PPARGC1A: variants seen among roughly 807,000 people sequenced by gnomAD.
PPARGC1A encodes the protein peroxisome proliferator-activated receptor gamma coactivator 1-alpha.
A neutral mutation model predicts 88.7 loss-of-function variants in PPARGC1A; 25 were observed. That is an observed-to-expected ratio of 0.28 (90% CI 0.21 to 0.39). The LOEUF (loss-of-function observed/expected upper bound fraction) is 0.39, where lower values mean the gene tolerates loss of function less well. Among genes scored for constraint, PPARGC1A ranks in the 10% least tolerant of loss-of-function variants. The pLI, the probability that PPARGC1A is intolerant of heterozygous loss-of-function variation, is 1.00. For synonymous variants in PPARGC1A, 363 were observed against 355.6 expected (o/e 1.02, Z -0.24); for missense variants, 880 against 968.7 (o/e 0.91, Z 1.22).
intron 2 of PPARGC1A, among the ~76,000 whole-genome samples, chr4:23,863,536 C>A (rs80294476): frequency 0.032 from 4,897 of 152,222 alleles, 262 homozygotes; most frequent in African/African-American, 0.11. Context: ...AGTCCCCAGT[C>A]ATCACTTGGT....
the PPARGC1A span, among the ~76,000 whole-genome samples, chr4:24,401,163 C>T: frequency 7.8e-4 from 119 of 151,692 alleles, no homozygotes; most frequent in Admixed American, 1.4e-3. Context: ...GGGCTACAGG[C>T]GCCCACCACT....
chr4:24,300,725 C>T, the PPARGC1A span, among the ~76,000 whole-genome samples: 2 of 152,066 alleles, frequency 1.3e-5, no homozygotes, highest in Admixed American at 1.3e-4. Context: ...GTTGATTTGA[C>T]ATTTTGTAGC....
At chr4:24,314,170 A>C in the PPARGC1A span, among the ~76,000 whole-genome samples, 13 of 152,214 alleles carry the variant, frequency 8.5e-5, no homozygotes, top group Non-Finnish European at 1.8e-4. Flanking sequence ...ATGGCTCTAG[A>C]GAGATTCAGC....
intron 2 of PPARGC1A, among the ~76,000 whole-genome samples, chr4:23,867,674 G>C (rs775248121): frequency 1.1e-4 from 16 of 152,148 alleles, no homozygotes; most frequent in Non-Finnish European, 2.2e-4. Context: ...TGAAAGTAAG[G>C]TCAGAATCAT....
the PPARGC1A span, among the ~76,000 whole-genome samples, chr4:23,973,011 G>T: frequency 2.0e-5 from 3 of 152,264 alleles, no homozygotes; most frequent in African/African-American, 7.2e-5. Flanking sequence ...TTATTCAATT[G>T]CAGGGATTCT....
chr4:24,117,809 ATGATACTCATGTCCACAGC>A, the PPARGC1A span, among the ~76,000 whole-genome samples: 1 of 152,076 alleles, frequency 6.6e-6, no homozygotes. Flanking sequence ...CGTTGGTTGG[ATGATACTCATGTCCACAGC>A]AGTTTCGGAA....
At chr4:24,418,890 T>C in the PPARGC1A span, among the ~76,000 whole-genome samples, 1 of 152,206 alleles carries the variant, frequency 6.6e-6, no homozygotes, top group Admixed American at 6.5e-5. Flanking sequence ...AGGAAATATT[T>C]TTGCTAATCA....
At chr4:24,345,519 A>AGTTTT in the PPARGC1A span, among the ~76,000 whole-genome samples, 38 of 151,686 alleles carry the variant, frequency 2.5e-4, no homozygotes, top group African/African-American at 8.5e-4. Context: ...AGTTTAGTTT[A>AGTTTT]GTTTTGTTTT....
the PPARGC1A span, among the ~76,000 whole-genome samples, chr4:24,431,623 G>C: frequency 8.3e-3 from 1,266 of 152,264 alleles, 12 homozygotes; most frequent in African/African-American, 0.029. Context: ...GAATGTGCTG[G>C]AAGAAAGTGT....
Position 23,814,343 on chromosome 4 carries a change from C to T in PPARGC1A, c.1140G>A (p.Leu380=). Residue 380 remains leucine (L), a synonymous_variant, in exon 8 of 13, where the codon CTG becomes CTA. Transcript: ENST00000264867. ...ERKTKRPSLR[L]FGDHDYCQSI... ...ACTGGCAATAGTCATGGTCACCAAA[C>T]AGCCGCAGACTGGGCCGCTTGGTCT... is the stretch of plus-strand genomic sequence containing the variant. 1 of 1,614,010 alleles carries T rather than the reference C, an allele frequency of 6.2e-7. No individual in the cohort carries two copies.
chr4:24,050,919 G>T, the PPARGC1A span, among the ~76,000 whole-genome samples: 14 of 152,170 alleles, frequency 9.2e-5, no homozygotes, highest in South Asian at 2.1e-4. Context: ...CGGGCGCAGT[G>T]GCTCACGCCT....
chr4:24,043,916 G>C, the PPARGC1A span, among the ~76,000 whole-genome samples: 3 of 152,234 alleles, frequency 2.0e-5, no homozygotes, highest in East Asian at 5.8e-4. Context: ...GAAAGACATG[G>C]AGGAAGGACA....
chr4:24,265,549 T>A, the PPARGC1A span, among the ~76,000 whole-genome samples: 2 of 152,116 alleles, frequency 1.3e-5, no homozygotes, highest in Non-Finnish European at 2.9e-5. Context: ...CAGTGAGCAA[T>A]GCATTACTTT....
the PPARGC1A span, among the ~76,000 whole-genome samples, chr4:24,129,720 A>G: frequency 6.6e-6 from 1 of 152,296 alleles, no homozygotes; most frequent in East Asian, 1.9e-4. Context: ...GGCACTATTC[A>G]CAATAGCAAA....
the PPARGC1A span, among the ~76,000 whole-genome samples, chr4:23,989,639 C>T: frequency 6.6e-6 from 1 of 152,128 alleles, no homozygotes; most frequent in Admixed American, 6.6e-5. Context: ...CACTTTACCA[C>T]TGGCATGGTT....
chr4:23,898,521 C>T (rs1411392837), intron 1 of PPARGC1A, among the ~76,000 whole-genome samples: 1 of 152,172 alleles, frequency 6.6e-6, no homozygotes, highest in Non-Finnish European at 1.5e-5. Context: ...CAGGACAATG[C>T]CTTGATAAAC....
chr4:23,902,662 C>T (rs1030163909), upstream of PPARGC1A, among the ~76,000 whole-genome samples: 3 of 152,058 alleles, frequency 2.0e-5, no homozygotes, highest in Non-Finnish European at 4.4e-5. Flanking sequence ...TATGCAAAGT[C>T]TGAGATATAT....
chr4:24,328,532 A>G, the PPARGC1A span, among the ~76,000 whole-genome samples: 3 of 152,188 alleles, frequency 2.0e-5, no homozygotes, highest in African/African-American at 7.2e-5. Context: ...AACTGCTCCT[A>G]GGAAATATTT....
the PPARGC1A span, among the ~76,000 whole-genome samples, chr4:24,132,919 C>G: frequency 1.3e-5 from 2 of 152,052 alleles, no homozygotes; most frequent in Admixed American, 1.3e-4. Flanking sequence ...AAAAACATTC[C>G]TAACAGTTTG....
Sources: gnomAD v4.1 joint callset for allele counts (sites outside exome capture counted in the v4.1 genomes callset) on GRCh38, gnomAD v4.1.1 for gene constraint, MANE v1.5 for transcripts, NCBI Gene and HGNC (gene_info 2026-07-23, HGNC 2026-07-21) for gene names.